VWA5B1: variants seen among roughly 807,000 people sequenced by gnomAD.
VWA5B1 encodes von Willebrand factor A domain-containing protein 5B1.
In VWA5B1, 115 loss-of-function variants were observed where a neutral mutation model predicts 118.2. That is an observed-to-expected ratio of 0.97 (90% CI 0.84 to 1.14). VWA5B1 has a LOEUF of 1.14. Among genes scored for constraint, VWA5B1 ranks in the 50% most tolerant of loss-of-function variants. VWA5B1 has a pLI of 0.00. For synonymous variants in VWA5B1, 682 were observed against 658.4 expected (o/e 1.04, Z -0.55); for missense variants, 1,596 against 1,603.8 (o/e 1.00, Z 0.08).
intron 2 of VWA5B1, among the ~76,000 whole-genome samples, chr1:20,312,472 C>T (rs2088876971): frequency 6.6e-6 from 1 of 152,198 alleles, no homozygotes. Context: ...TCCAAAGCCC[C>T]AATCTTCCAT....
intron 5 of VWA5B1, 89 bp downstream of exon 5, chr1:20,317,764 C>T: frequency 7.0e-7 from 1 of 1,428,426 alleles, no homozygotes; most frequent in South Asian, 1.4e-5. Context: ...GAAGGAAAGC[C>T]AACTGGCCCA....
Position 20,358,112 on chromosome 1 carries a change from T to G in VWA5B1, c.*3849T>G, listed in dbSNP as rs1012927132. 3.3e-5 allele frequency among the ~76,000 whole-genome samples: 5 copies of G among 152,216 alleles called. No homozygotes were observed. The East Asian group carries it at 9.6e-4, about 29-fold the overall frequency. On this transcript the variant is annotated 3_prime_UTR_variant, in exon 22 of 22. Transcript: ENST00000289815. ...CTCGGTTTCCAGCCGGCACCCATGTTTCCCCAGCCAGTCCCTTCTCTGCGG... is the reference window on the plus strand; with the variant it reads ...CTCGGTTTCCAGCCGGCACCCATGTGTCCCCAGCCAGTCCCTTCTCTGCGG...
Position 20,318,704 on chromosome 1 carries a change from T to A in VWA5B1, c.824T>A (p.Ile275Asn), listed in dbSNP as rs1483116417. The A allele has an allele frequency of 6.6e-7, 1 of 1,513,482 alleles. No homozygotes were observed. The highest frequency in any genetic ancestry group is 2.5e-5 in the East Asian group (1 of 40,326). The allele number at this position is 1,513,482 out of a possible 1,614,324, so 93.8% of individuals were successfully genotyped here. ...CACACCTTTGACCGGCCTGTGGAGATCCTCATCCACCCCAGCGGTACGGTG... is the reference window on the plus strand; with the variant it reads ...CACACCTTTGACCGGCCTGTGGAGAACCTCATCCACCCCAGCGGTACGGTG... ...NKHTFDRPVEILIHPSEPHMP... is the reference protein window; with the variant it reads ...NKHTFDRPVENLIHPSEPHMP... Residue 275 changes from isoleucine (I) to asparagine (N), a missense_variant, in exon 6 of 22, where the codon ATC becomes AAC. Physicochemically the swap from Ile to Asn is moderately radical, Grantham distance 149. Coordinates refer to ENST00000289815, the MANE Select transcript of VWA5B1 (RefSeq NM_001039500.3).
intron 15 of VWA5B1, among the ~76,000 whole-genome samples, chr1:20,342,832 C>T (rs1300552266): frequency 4.6e-5 from 7 of 152,308 alleles, no homozygotes; most frequent in African/African-American, 1.7e-4. Flanking sequence ...TGCCCCTGTC[C>T]CACCCCATAC....
chr1:20,299,849 G>A (rs938399350), intron 1 of VWA5B1, among the ~76,000 whole-genome samples: 5 of 152,124 alleles, frequency 3.3e-5, no homozygotes, highest in African/African-American at 9.7e-5. Context: ...TCCTACCCCC[G>A]CCTCCCCACT....
chr1:20,297,996 ATT>A lies in VWA5B1; in HGVS notation c.-27+6929_-27+6930del, dbSNP rs60497976. On this transcript the variant is annotated intron_variant, in intron 1 of 21. Transcript: ENST00000289815. ...GATTACTTTCATGACTCGGTGGTGG[ATT>A]TTTTTTTTTTTTTTTTTTTTGTTTG... Among the ~76,000 whole-genome samples, 1,112 of 126,650 alleles carry A rather than the reference ATT, an allele frequency of 8.8e-3. 4 individuals are homozygous for A. The highest frequency in any genetic ancestry group is 0.013 in the Non-Finnish European group (768 of 60,562). 83.1% of individuals were successfully genotyped at this position (126,650 alleles called of 152,430 possible).
At chr1:20,298,166 A>G (rs2088442489) in intron 1 of VWA5B1, among the ~76,000 whole-genome samples, 1 of 151,650 alleles carries the variant, frequency 6.6e-6, no homozygotes, top group Admixed American at 6.6e-5. Flanking sequence ...GTGCCACCAC[A>G]CCTAGCTAAT....
intron 8 of VWA5B1, among the ~76,000 whole-genome samples, chr1:20,326,451 C>T (rs1570141761): frequency 6.6e-6 from 1 of 152,058 alleles, no homozygotes; most frequent in East Asian, 1.9e-4. Context: ...AATCTCAGAA[C>T]TGTGGGGTTT....
In VWA5B1 at chr1:20,323,446, C is replaced by T. The variant is rs1377298589; in HGVS notation, c.1057C>T (p.Pro353Ser). ...NFCPDLQSVQPCLRKAHGEFI... is the reference protein window; with the variant it reads ...NFCPDLQSVQSCLRKAHGEFI... ...CTGTCCCGACCTCCAGTCAGTCCAG[C>T]CGTGCCTGAGAAAGGCCCACGGGGA... The change falls in exon 8 of 22, where the codon CCG becomes TCG. Residue 353 changes from proline to serine, a missense_variant. By Grantham distance (74) the Pro-to-Ser change is moderately conservative. Transcript: ENST00000289815. 1.3e-6 allele frequency: 2 copies of T among 1,538,978 alleles called. No homozygotes were observed. Among genetic ancestry groups the T allele is most frequent in the East Asian group, 5.0e-5 (2 of 39,610 alleles).
intron 6 of VWA5B1, 67 bp from the exon 7 acceptor site, chr1:20,319,315 C>T: frequency 6.5e-7 from 1 of 1,535,336 alleles, no homozygotes; most frequent in Admixed American, 2.0e-5. Flanking sequence ...GCACCTAAAC[C>T]AAAGCCCCCA....
At chr1:20,344,820 C>A (rs1250664645) in intron 16 of VWA5B1, among the ~76,000 whole-genome samples, 1 of 152,196 alleles carries the variant, frequency 6.6e-6, no homozygotes, top group Non-Finnish European at 1.5e-5. Flanking sequence ...GAGCTCCTCA[C>A]CTTACAGTTC....
rs1469086762 is a variant in VWA5B1, at chr1:20,337,636, C to T, written c.1943-10C>T. The T allele has an allele frequency of 6.5e-7, 1 of 1,549,018 alleles. No individual in the cohort carries two copies. Among genetic ancestry groups the T allele is most frequent in the South Asian group, 1.2e-5 (1 of 83,690 alleles). ...CACTCTGATGGTTCCCCATCACTAT[C>T]CCTGTCCAGATCTGAACCTCTCTCA... On this transcript the variant is annotated splice_polypyrimidine_tract_variant and intron_variant, in intron 13 of 21. Transcript: ENST00000289815.
rs930311589 is a variant in VWA5B1, at chr1:20,356,741, C to G, written c.*2478C>G. 6.6e-6 allele frequency among the ~76,000 whole-genome samples: 1 copy of G among 152,186 alleles called. No homozygotes were observed. The highest frequency in any genetic ancestry group is 1.5e-5 in the Non-Finnish European group (1 of 68,020). ...TGCTGATCTCTGCAACCCTGGCTCC[C>G]CTGCCCAGCCCCAAAGGTGCAGAAG... is the stretch of plus-strand genomic sequence containing the variant. On this transcript the variant is annotated 3_prime_UTR_variant, in exon 22 of 22. Transcript: ENST00000289815.
chr1:20,320,348 C>G (rs114594758), intron 7 of VWA5B1, among the ~76,000 whole-genome samples: 1 of 152,218 alleles, frequency 6.6e-6, no homozygotes, highest in Non-Finnish European at 1.5e-5. Flanking sequence ...ATGCTCTGCC[C>G]GCCTAGCTGG....
At position 20,332,778 on chromosome 1, in the gene VWA5B1, T is replaced by C; in HGVS notation, c.1585T>C (p.Leu529=). Residue 529 remains leucine, a synonymous_variant, in exon 12 of 22, where the codon TTG becomes CTG. Coordinates refer to ENST00000289815, the MANE Select transcript of VWA5B1 (RefSeq NM_001039500.3). ...CCCTGCCCTACAGATGGTCAAATCC[T>C]TGAAGAAGGCCATGGCCCCAGTCCT... The part of the protein sequence containing the change: ...ERLQPKMVKS[L]KKAMAPVLSD... The C allele has an allele frequency of 6.4e-7, 1 of 1,551,688 alleles. No homozygotes were observed.
At chr1:20,314,111 C>A (rs1190141541) in intron 3 of VWA5B1, among the ~76,000 whole-genome samples, 1 of 152,086 alleles carries the variant, frequency 6.6e-6, no homozygotes, top group Non-Finnish European at 1.5e-5. Context: ...CCACTCCCAG[C>A]AAGGTAGAGT....
At chr1:20,340,217 ACACT>A (rs903026340) in intron 14 of VWA5B1, among the ~76,000 whole-genome samples, 1 of 151,412 alleles carries the variant, frequency 6.6e-6, no homozygotes, top group African/African-American at 2.4e-5. Flanking sequence ...ACACACACAC[ACACT>A]CCATGCACCC....
intron 8 of VWA5B1, among the ~76,000 whole-genome samples, chr1:20,327,417 C>T (rs935681441): frequency 1.3e-5 from 2 of 152,128 alleles, no homozygotes; most frequent in African/African-American, 4.8e-5. Flanking sequence ...GAGTCTGATG[C>T]AGAAGGTCCC....
intron 12 of VWA5B1, among the ~76,000 whole-genome samples, chr1:20,334,339 A>T (rs2089654924): frequency 6.6e-6 from 1 of 152,148 alleles, no homozygotes; most frequent in Non-Finnish European, 1.5e-5. Context: ...CCAGTTCATC[A>T]ACAGACCCTC....
Sources: allele counts gnomAD v4.1 joint callset (sites outside exome capture counted in the v4.1 genomes callset), GRCh38; gene constraint gnomAD v4.1.1; transcripts MANE v1.5; gene names NCBI Gene and HGNC (gene_info 2026-07-23, HGNC 2026-07-21).